OXNAD1: variants seen among roughly 807,000 people sequenced by gnomAD.
The protein encoded by OXNAD1 is oxidoreductase NAD-binding domain-containing protein 1.
OXNAD1 carries 34 observed loss-of-function variants against 32.9 expected under a neutral mutation model. The observed-to-expected ratio is 1.03, with a 90% CI of 0.79 to 1.38. The LOEUF (loss-of-function observed/expected upper bound fraction) is 1.38. Ranked by LOEUF, OXNAD1 falls within the 40% of genes most tolerant of loss-of-function variation. The probability of loss-of-function intolerance (pLI) is 0.00; values close to 1 mark genes in which losing one functional copy is unlikely to be tolerated. For missense variants in OXNAD1, 407 were observed against 379.4 expected (o/e 1.07, Z -0.60); for synonymous variants, 134 against 135.2 (o/e 0.99, Z 0.06).
intron 2 of OXNAD1, among the ~76,000 whole-genome samples, chr3:16,269,961 CAAAAAG>C (rs1303935842): frequency 6.6e-6 from 1 of 152,034 alleles, no homozygotes; most frequent in African/African-American, 2.4e-5. Context: ...GAAAAGGAAC[CAAAAAG>C]AAATATCATC....
exon 10 of OXNAD1, chr3:16,349,885 C>T (rs1047335463): frequency 2.6e-5 from 4 of 152,236 alleles, no homozygotes; most frequent in Non-Finnish European, 5.9e-5. Context: ...GATATTCCAG[C>T]AGGAGTCGAT....
At chr3:16,282,199 T>A (rs964653278) in intron 4 of OXNAD1, among the ~76,000 whole-genome samples, 1 of 152,014 alleles carries the variant, frequency 6.6e-6, no homozygotes, top group African/African-American at 2.4e-5. Context: ...AGACCTCTGA[T>A]GATTCTCATT....
At chr3:16,326,402 CTTTTT>C (rs1309068181) in intron 9 of OXNAD1, among the ~76,000 whole-genome samples, 1 of 152,152 alleles carries the variant, frequency 6.6e-6, no homozygotes, top group East Asian at 1.9e-4. Flanking sequence ...TTTTTCTTTT[CTTTTT>C]GAGGACTGAG....
chr3:16,271,738 G>T lies in OXNAD1; in HGVS notation c.183+16G>T, dbSNP rs756061834. On this transcript the variant is annotated intron_variant, in intron 4 of 8. Transcript: ENST00000285083. This position sits in a 1 kb window ranked among gnomAD's most constrained non-coding sequence, Gnocchi z 4.6. ...TCGACGGGAGGTTTGTATCTTTGGG[G>T]TATGACAGGTTTTTCCAGCTAGACC... The T allele has an allele frequency of 2.1e-5, 34 of 1,600,810 alleles. No individual in the cohort carries two copies. In the South Asian group the frequency reaches 3.8e-4, roughly 18 times the overall value.
At chr3:16,340,265 G>A (rs575987423), downstream of OXNAD1, among the ~76,000 whole-genome samples, 1 of 152,204 alleles carries the variant, frequency 6.6e-6, no homozygotes, top group Non-Finnish European at 1.5e-5. Context: ...GATGCAAACC[G>A]CAGCATGAAA....
chr3:16,286,358 A>C lies in OXNAD1; in HGVS notation c.200A>C (p.Lys67Thr). The change falls in exon 5 of 9, where the codon AAG becomes ACG. Residue 67 changes from lysine (K) to threonine (T), a missense_variant. Lys to Thr is a moderately conservative substitution (Grantham distance 78). Transcript: ENST00000285083. ...TGGTTTTAGATTGTGTCAGCAGCTAAGGTGTGTGGAGCTGCCAGTGAGTCA... is the reference window on the plus strand; with the variant it reads ...TGGTTTTAGATTGTGTCAGCAGCTACGGTGTGTGGAGCTGCCAGTGAGTCA... ...VLRREIVSAA[K>T]VCGAASESPS... is the part of the protein sequence containing the mutation. 6.2e-7 allele frequency: 1 copy of C among 1,613,454 alleles called. No homozygotes were observed. Among genetic ancestry groups the C allele is most frequent in the Non-Finnish European group, 8.5e-7 (1 of 1,179,464 alleles).
At chr3:16,325,992 A>G (rs937144585) in intron 9 of OXNAD1, among the ~76,000 whole-genome samples, 1 of 152,232 alleles carries the variant, frequency 6.6e-6, no homozygotes, top group African/African-American at 2.4e-5. Context: ...CTGAGGTTCT[A>G]GGCCCAGTTT....
rs2070056215 is a variant in OXNAD1 at position 16,329,309 on chromosome 3, C to G, written c.*31-7803C>G. Reference sequence around the variant, plus strand: ...CCTGATCTCAGGTATCCTGTTACAACAGCACAAGTGGACCGAGACAGGGCG... The same window carrying G: ...CCTGATCTCAGGTATCCTGTTACAAGAGCACAAGTGGACCGAGACAGGGCG... On this transcript the variant is annotated intron_variant, in intron 9 of 9. Transcript: ENST00000435829. This position sits in a 1 kb window ranked among gnomAD's most constrained non-coding sequence, Gnocchi z 4.5. Among the ~76,000 whole-genome samples the G allele has an allele frequency of 6.6e-6, 1 of 151,984 alleles. No homozygotes were observed.
In OXNAD1 at chr3:16,297,898, G is replaced by A. The variant is rs538921158; in HGVS notation, c.432+2901G>A. Among the ~76,000 whole-genome samples, 1 of 152,262 alleles carries A rather than the reference G, an allele frequency of 6.6e-6. No homozygotes were observed. Among genetic ancestry groups the A allele is most frequent in the Non-Finnish European group, 1.5e-5 (1 of 68,012 alleles). On this transcript the variant is annotated intron_variant, in intron 6 of 8. Coordinates refer to ENST00000285083, the MANE Select transcript of OXNAD1 (RefSeq NM_138381.5). The surrounding 1 kb of genome is among the most constrained non-coding windows in gnomAD (Gnocchi z 4.3). Reference sequence around the variant, plus strand: ...TGGAACTAATATATGTTTTGATTTTGATGATTGTTACCCAGATCTATATGT... The same window carrying A: ...TGGAACTAATATATGTTTTGATTTTAATGATTGTTACCCAGATCTATATGT...
rs11379565 is a variant in OXNAD1 at position 16,282,820 on chromosome 3, C to CTTTT, written c.184-3502_184-3499dup. 1.0e-3 allele frequency among the ~76,000 whole-genome samples: 75 copies of CTTTT among 72,000 alleles called. 2 individuals carry two copies. Among genetic ancestry groups the CTTTT allele is most frequent in the African/African-American group, 1.4e-3 (26 of 17,970 alleles). 47.2% of individuals were successfully genotyped at this position (72,000 alleles called of 152,430 possible). On this transcript the variant is annotated intron_variant, in intron 4 of 8. Coordinates refer to ENST00000285083, the MANE Select transcript of OXNAD1 (RefSeq NM_138381.5). ...CGTATGAGTTAAACGGGACTTTCAGCTTTTTTTTTTTTTTTTTTTTTTTCG... is the reference window on the plus strand; with the variant it reads ...CGTATGAGTTAAACGGGACTTTCAGCTTTTTTTTTTTTTTTTTTTTTTTTTTTCG...
Position 16,271,009 on chromosome 3 carries a change from C to T in OXNAD1, c.57C>T (p.Ile19=). 3 of 1,614,190 alleles carry T rather than the reference C, an allele frequency of 1.9e-6. No individual in the cohort carries two copies. The highest frequency in any genetic ancestry group is 2.5e-6 in the Non-Finnish European group (3 of 1,180,028). ...TGTTGCGGTGCTCTGTTGGAGCCAT[C>T]CGTATTGAGGCTGCGTCACTGAGAT... ...PGLLRCSVGA[I]RIEAASLRLT... is the part of the protein sequence containing the mutation. Residue 19 remains isoleucine, a synonymous_variant, in exon 3 of 9, where the codon ATC becomes ATT. Coordinates refer to ENST00000285083, the MANE Select transcript of OXNAD1 (RefSeq NM_138381.5). This position sits in a 1 kb window ranked among gnomAD's most constrained non-coding sequence, Gnocchi z 4.6.
downstream of OXNAD1, among the ~76,000 whole-genome samples, chr3:16,351,297 G>A (rs926102409): frequency 2.6e-5 from 4 of 152,158 alleles, no homozygotes; most frequent in African/African-American, 9.7e-5. This position sits in a 1 kb window ranked among gnomAD's most constrained non-coding sequence, Gnocchi z 5.4. Context: ...ATTGAGACCA[G>A]TCAGGAGCCT....
chr3:16,283,577 T>C (rs1465431682), intron 4 of OXNAD1, among the ~76,000 whole-genome samples: 1 of 152,192 alleles, frequency 6.6e-6, no homozygotes, highest in Non-Finnish European at 1.5e-5. Context: ...TCCTCAGGCA[T>C]TGGCTGCTGT....
At chr3:16,306,958 A>T (rs1325932581), downstream of OXNAD1, among the ~76,000 whole-genome samples, 1 of 152,210 alleles carries the variant, frequency 6.6e-6, no homozygotes, top group Non-Finnish European at 1.5e-5. Context: ...GCAGCCATTG[A>T]TCATTGCTGA....
At chr3:16,292,248 G>C (rs2066483753) in intron 5 of OXNAD1, among the ~76,000 whole-genome samples, 1 of 148,790 alleles carries the variant, frequency 6.7e-6, no homozygotes, top group African/African-American at 2.5e-5. Flanking sequence ...CTGGAGCGCA[G>C]TGGCACGATC....
At chr3:16,350,543 TAA>T (rs2072031264), downstream of OXNAD1, among the ~76,000 whole-genome samples, 1 of 152,006 alleles carries the variant, frequency 6.6e-6, no homozygotes, top group South Asian at 2.1e-4. Context: ...TACTATTCTG[TAA>T]ACAGGTGTGT....
rs1452825066 is a variant in OXNAD1 at position 16,299,222 on chromosome 3, A to G, written c.433-2404A>G. ...CTTATAGATAAAGAGAGAACTGCAC[A>G]GGCAAGCAAGAGAGGGAGGGAAGGA... On this transcript the variant is annotated intron_variant, in intron 6 of 8. Coordinates refer to ENST00000285083, the MANE Select transcript of OXNAD1 (RefSeq NM_138381.5). This position sits in a 1 kb window ranked among gnomAD's most constrained non-coding sequence, Gnocchi z 4.4. Among the ~76,000 whole-genome samples the G allele has an allele frequency of 1.3e-5, 2 of 152,238 alleles. No individual in the cohort carries two copies. Among genetic ancestry groups the G allele is most frequent in the Non-Finnish European group, 1.5e-5 (1 of 68,042 alleles).
exon 10 of OXNAD1, chr3:16,349,309 A>G (rs1316548039): frequency 2.0e-5 from 3 of 152,390 alleles, no homozygotes; most frequent in East Asian, 3.9e-4. Context: ...CCCTAAGATA[A>G]AAGTTGGAGG....
Position 16,334,561 on chromosome 3 carries a change from A to T in OXNAD1, c.*31-2551A>T, listed in dbSNP as rs747524305. On this transcript the variant is annotated intron_variant, in intron 9 of 9. Coordinates refer to the OXNAD1 transcript ENST00000435829. This position sits in a 1 kb window ranked among gnomAD's most constrained non-coding sequence, Gnocchi z 4.3. ...GTTTCACCCAGACAACAGCTCAGAG[A>T]ACTGGGCAATGGCTGCTCATGTGTT... Among the ~76,000 whole-genome samples, 1 of 152,182 alleles carries T rather than the reference A, an allele frequency of 6.6e-6. No individual in the cohort carries two copies. Among genetic ancestry groups the T allele is most frequent in the African/African-American group, 2.4e-5 (1 of 41,440 alleles).
Sources: allele counts gnomAD v4.1 joint callset (sites outside exome capture counted in the v4.1 genomes callset), GRCh38; gene constraint gnomAD v4.1.1; non-coding constraint Gnocchi (gnomAD v3.1); transcripts MANE v1.5; gene names NCBI Gene and HGNC (gene_info 2026-07-23, HGNC 2026-07-21).